Variants in CHD9 observed in about 807,000 individuals in gnomAD.
The protein encoded by CHD9 is ATP-dependent chromatin remodeler CHD9.
A neutral mutation model predicts 316.1 loss-of-function variants in CHD9; 77 were observed. The ratio of observed to expected loss-of-function variants is 0.24; its 90% CI spans 0.20 to 0.29. The LOEUF is 0.29. CHD9 is among the 10% of genes least tolerant of loss of function. The pLI is 1.00. For missense variants in CHD9, 2,763 were observed against 3,438.1 expected, an observed-to-expected ratio of 0.80 and a Z score of 4.91; for synonymous variants, 1,129 against 1,158.3, an observed-to-expected ratio of 0.97 and a Z score of 0.51.
rs2052483643 is a variant in CHD9 at position 53,273,431 on chromosome 16, A to G, written c.4718-195A>G. ...AATATGAGATGTAGAATTGTTAGCT[A>G]TTTGGGGGAAATATGTTTTAATATG... On this transcript the variant is annotated intron_variant, in intron 22 of 38. Transcript: ENST00000447540. Among the ~76,000 whole-genome samples the G allele has an allele frequency of 2.0e-5, 3 of 152,138 alleles. No individual in the cohort carries two copies. In the South Asian group the frequency reaches 6.2e-4, roughly 31 times the overall value.
At chr16:53,232,040 G>T (rs748681540) in intron 10 of CHD9, among the ~76,000 whole-genome samples, 1 of 152,026 alleles carries the variant, frequency 6.6e-6, no homozygotes, top group African/African-American at 2.4e-5. Context: ...AGAAGGAAAT[G>T]AATTAAATAT....
intron 1 of CHD9, among the ~76,000 whole-genome samples, chr16:53,152,844 A>G (rs1448505425): frequency 4.6e-5 from 7 of 152,202 alleles, no homozygotes; most frequent in Admixed American, 4.6e-4. Flanking sequence ...TTGAGATTGG[A>G]TGAAATCACC....
chr16:53,281,253 A>T (rs2053386341), intron 24 of CHD9, among the ~76,000 whole-genome samples: 1 of 152,236 alleles, frequency 6.6e-6, no homozygotes, highest in African/African-American at 2.4e-5. Context: ...TGGCTTTTCC[A>T]AATCTCCTGT....
At chr16:53,120,720 C>G (rs918728384) in intron 1 of CHD9, among the ~76,000 whole-genome samples, 1 of 151,108 alleles carries the variant, frequency 6.6e-6, no homozygotes, top group Non-Finnish European at 1.5e-5. Flanking sequence ...CTAAAGCACA[C>G]CAGGCCAGGT....
Position 53,267,948 on chromosome 16 carries a change from T to C in CHD9, c.4539T>C (p.Ile1513=), listed in dbSNP as rs756414255. 1 of 1,613,546 alleles carries C rather than the reference T, an allele frequency of 6.2e-7. No individual in the cohort carries two copies. The highest frequency in any genetic ancestry group is 1.1e-5 in the South Asian group (1 of 91,070). The change falls in exon 22 of 39, where the codon ATT becomes ATC. Residue 1513 remains isoleucine (I), a synonymous_variant. Transcript: ENST00000447540. ...LVYGWGRWRE[I]LSHGRFKRQL... ...CCAGGTGGGGCCGATGGAGAGAGAT[T>C]CTATCTCATGGCCGTTTCAAAAGGC...
At chr16:53,135,217 G>A (rs1405436855) in intron 1 of CHD9, among the ~76,000 whole-genome samples, 1 of 152,166 alleles carries the variant, frequency 6.6e-6, no homozygotes, top group Non-Finnish European at 1.5e-5. Flanking sequence ...AAAACCATAT[G>A]AGCTGAAATG....
chr16:53,244,032 G>C (rs1356622721), intron 13 of CHD9, among the ~76,000 whole-genome samples: 1 of 152,026 alleles, frequency 6.6e-6, no homozygotes, highest in Non-Finnish European at 1.5e-5. Context: ...ATAATGTGCA[G>C]ATTCGCAGAT....
intron 3 of CHD9, among the ~76,000 whole-genome samples, chr16:53,210,954 T>C (rs939917107): frequency 1.3e-5 from 2 of 152,112 alleles, no homozygotes; most frequent in Non-Finnish European, 2.9e-5. Context: ...GATTTCTACT[T>C]CTTTTATTGT....
chr16:53,075,757 C>A (rs1328725456), intron 1 of CHD9, among the ~76,000 whole-genome samples: 1 of 152,214 alleles, frequency 6.6e-6, no homozygotes, highest in African/African-American at 2.4e-5. Flanking sequence ...CCTTCCCAGA[C>A]TCACATATGT....
intron 2 of CHD9, among the ~76,000 whole-genome samples, chr16:53,163,277 C>G (rs2042047137): frequency 6.6e-6 from 1 of 152,086 alleles, no homozygotes; most frequent in Non-Finnish European, 1.5e-5. Context: ...ATGATGTGAT[C>G]TTGGCTCACC....
At chr16:53,122,002 A>G (rs139069669) in intron 1 of CHD9, 1 of 152,394 alleles carries the variant, frequency 6.6e-6, no homozygotes, top group East Asian at 1.9e-4. Context: ...GTTAGAGTCT[A>G]TAATGTAATG....
At chr16:53,239,723 G>T (rs1298093626) in intron 12 of CHD9, among the ~76,000 whole-genome samples, 4 of 152,038 alleles carry the variant, frequency 2.6e-5, no homozygotes, top group Non-Finnish European at 5.9e-5. Flanking sequence ...AATGATAACT[G>T]ATTTTCTACC....
intron 2 of CHD9, among the ~76,000 whole-genome samples, chr16:53,164,197 A>G (rs1346693119): frequency 2.0e-5 from 3 of 152,236 alleles, no homozygotes; most frequent in African/African-American, 4.8e-5. Context: ...GGCAAAGACC[A>G]TGCCTCTCAT....
intron 34 of CHD9, among the ~76,000 whole-genome samples, chr16:53,313,242 A>T (rs1412540010): frequency 2.0e-4 from 2 of 9,880 alleles, no homozygotes; most frequent in Non-Finnish European, 3.9e-4. Flanking sequence ...AGAACTAGTT[A>T]CTCATGAAAA....
In CHD9 at chr16:53,273,723, T is replaced by C. The variant is rs771392052; in HGVS notation, c.4815T>C (p.Tyr1605=). 1.1e-5 allele frequency: 17 copies of C among 1,613,450 alleles called. No individual in the cohort carries two copies. The highest frequency in any genetic ancestry group is 2.2e-5 in the East Asian group (1 of 44,846). ...DIQKAEWLRK[Y]NPEQLLQDEG... ...AAAAAGCAGAATGGCTTCGAAAATA[T>C]AATCCCGAGCAGCTCCTTCAAGATG... The change falls in exon 23 of 39, where the codon TAT becomes TAC. Residue 1605 remains tyrosine (Y), a synonymous_variant. Coordinates refer to ENST00000447540, the MANE Select transcript of CHD9 (RefSeq NM_001308319.2).
At chr16:53,112,067 A>G (rs1235170407) in intron 1 of CHD9, among the ~76,000 whole-genome samples, 1 of 152,236 alleles carries the variant, frequency 6.6e-6, no homozygotes, top group Non-Finnish European at 1.5e-5. Flanking sequence ...CATATTCTCA[A>G]CCAGACAACC....
Position 53,325,604 on chromosome 16 carries a change from G to A in CHD9, c.*709G>A, listed in dbSNP as rs2057514577. ...CAAGAAATATGACTTGCTTTTTGCT[G>A]AGCTTAATTCAGATATCAGTAAAAT... On this transcript the variant is annotated 3_prime_UTR_variant, in exon 39 of 39. Transcript: ENST00000447540. 1 of 152,454 alleles carries A rather than the reference G, an allele frequency of 6.6e-6. No homozygotes were observed. Among genetic ancestry groups the A allele is most frequent in the African/African-American group, 2.4e-5 (1 of 41,412 alleles). 9.4% of individuals were successfully genotyped at this position (152,454 alleles called of 1,614,324 possible).
At chr16:53,220,430 T>C (rs926248053) in intron 3 of CHD9, among the ~76,000 whole-genome samples, 1 of 152,192 alleles carries the variant, frequency 6.6e-6, no homozygotes, top group African/African-American at 2.4e-5. Context: ...TAAAAAATTA[T>C]ATCTTTCTTT....
chr16:53,180,353 G>A (rs1031329396), intron 2 of CHD9, among the ~76,000 whole-genome samples: 2 of 152,080 alleles, frequency 1.3e-5, no homozygotes, highest in African/African-American at 4.8e-5. Flanking sequence ...TTCCTTCTGG[G>A]AAAATGTTGG....
Sources: gnomAD v4.1 joint callset for allele counts (sites outside exome capture counted in the v4.1 genomes callset) on GRCh38, gnomAD v4.1.1 for gene constraint, MANE v1.5 for transcripts, NCBI Gene and HGNC (gene_info 2026-07-23, HGNC 2026-07-21) for gene names.